SNX24: variants seen among roughly 807,000 people sequenced by gnomAD.
The protein encoded by SNX24 is sorting nexin 24.
In SNX24, 22 loss-of-function variants were observed where a neutral mutation model predicts 28.7. The observed-to-expected ratio is 0.77, with a 90% CI of 0.55 to 1.10. SNX24 has a LOEUF of 1.10. Among genes scored for constraint, SNX24 ranks in the 50% least tolerant of loss-of-function variants. SNX24 has a pLI of 0.00. For synonymous variants in SNX24, 69 were observed against 71.5 expected (o/e 0.96, Z 0.18); for missense variants, 221 against 201.1 (o/e 1.10, Z -0.60).
chr5:123,019,230 G>A (rs1156560096), intron 5 of SNX24, among the ~76,000 whole-genome samples: 2 of 150,358 alleles, frequency 1.3e-5, no homozygotes, highest in African/African-American at 4.9e-5. Flanking sequence ...AAGCCATTAT[G>A]TACTTAATGG....
At chr5:122,953,324 C>G (rs1035525069) in intron 3 of SNX24, among the ~76,000 whole-genome samples, 3 of 152,096 alleles carry the variant, frequency 2.0e-5, no homozygotes, top group Admixed American at 6.5e-5. Context: ...AGGCTGGTCT[C>G]AAACTCCTGA....
chr5:122,959,472 C>T (rs372653724), intron 3 of SNX24, among the ~76,000 whole-genome samples: 29 of 151,736 alleles, frequency 1.9e-4, no homozygotes, highest in South Asian at 1.7e-3. Context: ...TGGGCTCAAG[C>T]GATCTGCCCA....
At chr5:122,881,300 A>G (rs913617264) in intron 1 of SNX24, among the ~76,000 whole-genome samples, 6 of 152,184 alleles carry the variant, frequency 3.9e-5, no homozygotes, top group Non-Finnish European at 7.3e-5. Flanking sequence ...GCCTTTTTAG[A>G]GATATATTAC....
chr5:122,959,286 CT>C (rs201505063), intron 3 of SNX24, among the ~76,000 whole-genome samples: 122 of 137,332 alleles, frequency 8.9e-4, no homozygotes, highest in Middle Eastern at 3.8e-3. Context: ...TACGATTTTT[CT>C]TTTTTTTTTT....
At chr5:122,909,548 A>G (rs898681933) in intron 1 of SNX24, among the ~76,000 whole-genome samples, 2 of 152,184 alleles carry the variant, frequency 1.3e-5, no homozygotes, top group Non-Finnish European at 2.9e-5. Context: ...ACAAGCACCC[A>G]AGCATGTGTA....
At chr5:122,999,855 G>A in intron 3 of SNX24, 57 bp from the exon 4 acceptor site, 2 of 1,002,828 alleles carry the variant, frequency 2.0e-6, no homozygotes, top group Non-Finnish European at 3.2e-6. Context: ...TAGTTCATTT[G>A]ATTGATCACC....
chr5:122,986,956 CAAG>C (rs1420222257), intron 3 of SNX24, among the ~76,000 whole-genome samples: 1 of 151,966 alleles, frequency 6.6e-6, no homozygotes, highest in African/African-American at 2.4e-5. Context: ...TTGAGAAAGT[CAAG>C]GAGTGGATTG....
intron 5 of SNX24, among the ~76,000 whole-genome samples, chr5:123,021,351 G>A (rs1762760310): frequency 6.6e-6 from 1 of 152,096 alleles, no homozygotes; most frequent in South Asian, 2.1e-4. Context: ...GAGTCTGCCA[G>A]GCCAGGTGTG....
intron 1 of SNX24, among the ~76,000 whole-genome samples, chr5:122,867,584 G>T (rs1755777436): frequency 6.6e-6 from 1 of 152,174 alleles, no homozygotes; most frequent in Non-Finnish European, 1.5e-5. Context: ...ATATTTCTGA[G>T]CCTGTGCATA....
chr5:123,001,856 T>A (rs1762259696), intron 5 of SNX24, 84 bp from the exon 6 acceptor site: 1 of 1,140,892 alleles, frequency 8.8e-7, no homozygotes, highest in African/African-American at 1.5e-5. Flanking sequence ...CGCACAGCAG[T>A]TTGATCCCCT....
Position 122,866,213 on chromosome 5 carries a change from G to A in SNX24, c.60+20520G>A, listed in dbSNP as rs527734716. ...CACCCAGGCTGGGGTGCAGTGGCGA[G>A]ATCTCAGCTCACTGCAACCACCACC... On this transcript the variant is annotated intron_variant, in intron 1 of 6. Coordinates refer to ENST00000261369, the MANE Select transcript of SNX24 (RefSeq NM_014035.4). Among the ~76,000 whole-genome samples the A allele has an allele frequency of 3.3e-5, 5 of 152,306 alleles. No individual in the cohort carries two copies. The South Asian group carries it at 8.3e-4, about 25-fold the overall frequency.
chr5:122,892,803 C>G (rs1757030304), intron 1 of SNX24, among the ~76,000 whole-genome samples: 1 of 151,868 alleles, frequency 6.6e-6, no homozygotes, highest in African/African-American at 2.4e-5. Context: ...GAGTCTCACT[C>G]TGTCACCCAG....
intron 3 of SNX24, chr5:122,965,409 G>T (rs1203240828): frequency 2.2e-6 from 1 of 454,044 alleles, no homozygotes; most frequent in Non-Finnish European, 4.4e-6. Context: ...AACAAATAAG[G>T]AAAGATTAAT....
In SNX24 at chr5:123,007,758, C is replaced by T; in HGVS notation, c.*9C>T. ...ATCTACAGCCCAGGTAGAAATCCTACATGGCTAAAAGAAGCAGAAGCAAGT... is the reference window on the plus strand; with the variant it reads ...ATCTACAGCCCAGGTAGAAATCCTATATGGCTAAAAGAAGCAGAAGCAAGT... On this transcript the variant is annotated 3_prime_UTR_variant, in exon 7 of 7. Transcript: ENST00000261369. The T allele has an allele frequency of 1.9e-6, 3 of 1,593,434 alleles. No individual in the cohort carries two copies. The highest frequency in any genetic ancestry group is 2.6e-6 in the Non-Finnish European group (3 of 1,174,098).
chr5:122,955,892 G>A (rs554406263), intron 3 of SNX24, among the ~76,000 whole-genome samples: 2 of 152,296 alleles, frequency 1.3e-5, no homozygotes, highest in African/African-American at 2.4e-5. Context: ...AAGGGTGGAA[G>A]TCTAGGCTTC....
At position 122,845,764 on chromosome 5, in the gene SNX24, T is replaced by C. The variant is rs1754592305; in HGVS notation, c.60+71T>C. On this transcript the variant is annotated intron_variant, in intron 1 of 6. Transcript: ENST00000261369. The stretch of plus-strand genomic sequence containing the variant: ...CGGCTGCTGCGCCCAGGAAACACCC[T>C]TGGCCGCCGCCGCCTTGGCGCAGGG... 3.1e-6 allele frequency: 3 copies of C among 955,182 alleles called. No homozygotes were observed. In the East Asian group the frequency reaches 9.3e-5, roughly 30 times the overall value. 59.2% of individuals were successfully genotyped at this position (955,182 alleles called of 1,614,324 possible). A position where few individuals can be genotyped will look rare whatever the true frequency, so the allele number is the denominator to read the frequency against.
rs1271822270 is a variant in SNX24 at position 123,024,350 on chromosome 5, T to TA, written n.384-4887dup. Among the ~76,000 whole-genome samples the TA allele has an allele frequency of 2.6e-5, 4 of 152,330 alleles. No individual in the cohort carries two copies. The East Asian group carries it at 7.7e-4, about 29-fold the overall frequency. ...GTAAAAGGCATTTCCATTCACCTGG[T>TA]ATAAGCCAGCGTAACAGTTAACATG... On this transcript the variant is annotated intron_variant and non_coding_transcript_variant, in intron 5 of 5. Coordinates refer to the SNX24 transcript ENST00000502387.
At chr5:122,890,098 G>A (rs168913) in intron 1 of SNX24, among the ~76,000 whole-genome samples, 123,262 of 152,000 alleles carry the variant, frequency 0.81, 50,868 homozygotes, top group East Asian at 0.99. Flanking sequence ...ATTTGGCTTC[G>A]TCTGATGGTT....
At chr5:122,848,566 A>C (rs1754749748) in intron 1 of SNX24, among the ~76,000 whole-genome samples, 1 of 148,192 alleles carries the variant, frequency 6.7e-6, no homozygotes, top group Admixed American at 6.7e-5. Flanking sequence ...AAAATTAGCC[A>C]GGCGTGGTGG....
Sources: allele counts gnomAD v4.1 joint callset (sites outside exome capture counted in the v4.1 genomes callset), GRCh38; gene constraint gnomAD v4.1.1; transcripts MANE v1.5; gene names NCBI Gene and HGNC (gene_info 2026-07-23, HGNC 2026-07-21).